Variants in COMMD10 observed in about 807,000 individuals in gnomAD.
COMMD10 encodes the protein COMM domain containing 10, also known as COMM domain-containing protein 10.
A neutral mutation model predicts 28.9 loss-of-function variants in COMMD10; 33 were observed. The observed-to-expected ratio is 1.14, with a 90% CI of 0.87 to 1.53. COMMD10 has a LOEUF of 1.53. COMMD10 is among the 40% of genes most tolerant of loss of function. The pLI, the probability that COMMD10 is intolerant of heterozygous loss-of-function variation, is 0.00. For synonymous variants in COMMD10, 110 were observed against 81.7 expected (o/e 1.35, Z -1.87); for missense variants, 310 against 233.4 (o/e 1.33, Z -2.14).
chr5:116,275,797 A>G (rs941845858), intron 5 of COMMD10, among the ~76,000 whole-genome samples: 1 of 151,822 alleles, frequency 6.6e-6, no homozygotes, highest in African/African-American at 2.4e-5. Flanking sequence ...ATCAGATCCT[A>G]AATCATAAGG....
intron 5 of COMMD10, among the ~76,000 whole-genome samples, chr5:116,186,798 G>A (rs1425981692): frequency 6.6e-6 from 1 of 152,070 alleles, no homozygotes; most frequent in Non-Finnish European, 1.5e-5. Context: ...GGCCTTATTG[G>A]AGTTTCTCTT....
intron 5 of COMMD10, among the ~76,000 whole-genome samples, chr5:116,159,750 G>C (rs185014379): frequency 2.0e-5 from 3 of 152,270 alleles, no homozygotes; most frequent in Non-Finnish European, 2.9e-5. Flanking sequence ...ACTCCACAGA[G>C]GAAAACATCT....
chr5:116,291,587 T>G lies in COMMD10; in HGVS notation c.570+11T>G, dbSNP rs772088934. 1 of 1,460,502 alleles carries G rather than the reference T, an allele frequency of 6.8e-7. No homozygotes were observed. The highest frequency in any genetic ancestry group is 9.4e-7 in the Non-Finnish European group (1 of 1,062,432). 90.5% of individuals were successfully genotyped at this position (1,460,502 alleles called of 1,614,324 possible). On this transcript the variant is annotated intron_variant, in intron 6 of 6. Coordinates refer to ENST00000274458, the MANE Select transcript of COMMD10 (RefSeq NM_016144.4). ...GATTTCTATAACAAGGTCTGTATTT[T>G]TAAAATAATTTTCTAATATGTGGAG...
chr5:116,225,354 A>ATT (rs3073081), intron 5 of COMMD10, among the ~76,000 whole-genome samples: 20,538 of 131,952 alleles, frequency 0.16, 2,209 homozygotes, highest in African/African-American at 0.27. Flanking sequence ...TTTTTTGGGG[A>ATT]TTTTTTTTTT....
At chr5:116,289,527 C>G (rs769510624) in intron 5 of COMMD10, among the ~76,000 whole-genome samples, 2 of 151,720 alleles carry the variant, frequency 1.3e-5, no homozygotes, top group Non-Finnish European at 2.9e-5. Flanking sequence ...TTTTCAGTGC[C>G]TTCCAAACGC....
At chr5:116,186,864 A>C (rs1272014409) in intron 5 of COMMD10, among the ~76,000 whole-genome samples, 1 of 152,188 alleles carries the variant, frequency 6.6e-6, no homozygotes, top group East Asian at 1.9e-4. Context: ...ATTCCACTAG[A>C]GTTATTAAGC....
chr5:116,272,811 G>C (rs1180452002), intron 5 of COMMD10, among the ~76,000 whole-genome samples: 4 of 151,766 alleles, frequency 2.6e-5, no homozygotes, highest in Non-Finnish European at 5.9e-5. Context: ...AATCGTGTAA[G>C]CTGAACCAAT....
intron 5 of COMMD10, among the ~76,000 whole-genome samples, chr5:116,281,131 T>C (rs1338532907): frequency 6.6e-6 from 1 of 151,840 alleles, no homozygotes; most frequent in African/African-American, 2.4e-5. Context: ...GTTTAATTCT[T>C]ACCTAGTTTA....
At chr5:116,203,035 C>A (rs940443425) in intron 5 of COMMD10, among the ~76,000 whole-genome samples, 1 of 151,774 alleles carries the variant, frequency 6.6e-6, no homozygotes, top group Non-Finnish European at 1.5e-5. Flanking sequence ...ACATTTAAGT[C>A]TTGAATCCAT....
intron 5 of COMMD10, among the ~76,000 whole-genome samples, chr5:116,163,781 T>A (rs1302093500): frequency 6.6e-6 from 1 of 152,216 alleles, no homozygotes; most frequent in South Asian, 2.1e-4. Context: ...TAGAATACTT[T>A]CTATGCTTTT....
chr5:116,133,431 A>G (rs11241366), intron 4 of COMMD10, among the ~76,000 whole-genome samples: 76,664 of 152,114 alleles, frequency 0.5, 21,929 homozygotes, highest in Non-Finnish European at 0.65. Context: ...AGTTTCTGTC[A>G]TAACTGGGAA....
At chr5:116,243,437 A>G (rs943217374) in intron 5 of COMMD10, among the ~76,000 whole-genome samples, 8 of 152,142 alleles carry the variant, frequency 5.3e-5, no homozygotes, top group Non-Finnish European at 1.2e-4. Context: ...TTCTGAAATA[A>G]TGACTTTGAG....
chr5:116,229,569 G>C (rs1438647791), intron 5 of COMMD10, among the ~76,000 whole-genome samples: 1 of 151,984 alleles, frequency 6.6e-6, no homozygotes, highest in Admixed American at 6.6e-5. Context: ...AACACTGTTA[G>C]CTGCTAAAGG....
intron 5 of COMMD10, among the ~76,000 whole-genome samples, chr5:116,281,288 A>T (rs1026024555): frequency 6.6e-6 from 1 of 151,672 alleles, no homozygotes; most frequent in African/African-American, 2.4e-5. Flanking sequence ...ATCAAGTCAG[A>T]CCTTTCTGAA....
chr5:116,112,722 C>T (rs1751093857), intron 4 of COMMD10, among the ~76,000 whole-genome samples: 1 of 152,010 alleles, frequency 6.6e-6, no homozygotes, highest in African/African-American at 2.4e-5. Flanking sequence ...ATTCATTTAG[C>T]CAACGTGTAT....
chr5:116,214,123 A>G (rs941533413), intron 5 of COMMD10, among the ~76,000 whole-genome samples: 14 of 152,152 alleles, frequency 9.2e-5, no homozygotes, highest in Non-Finnish European at 2.1e-4. Context: ...TTGAGAGGCA[A>G]ACTTTGTCTT....
intron 4 of COMMD10, among the ~76,000 whole-genome samples, chr5:116,104,817 C>G (rs1750785747): frequency 6.6e-6 from 1 of 152,154 alleles, no homozygotes; most frequent in South Asian, 2.1e-4. Context: ...GACGGGGTTT[C>G]ACTGTCTTAG....
chr5:116,170,191 A>G (rs897741727), intron 5 of COMMD10, among the ~76,000 whole-genome samples: 1 of 152,196 alleles, frequency 6.6e-6, no homozygotes, highest in African/African-American at 2.4e-5. Flanking sequence ...CTATACACCA[A>G]TAATAGACAA....
chr5:116,258,209 C>A lies in COMMD10; in HGVS notation c.511-33308C>A, dbSNP rs557167082. The stretch of plus-strand genomic sequence containing the variant: ...AATACATCCAAAACCTTTTCTCTTA[C>A]CGAATTTCAATACTCTTTTCTAACA... On this transcript the variant is annotated intron_variant, in intron 5 of 6. Transcript: ENST00000274458. Among the ~76,000 whole-genome samples, 15 of 151,736 alleles carry A rather than the reference C, an allele frequency of 9.9e-5. No homozygotes were observed. In the Middle Eastern group the frequency reaches 0.01, roughly 103 times the overall value.
Sources: gnomAD v4.1 joint callset for allele counts (sites outside exome capture counted in the v4.1 genomes callset) on GRCh38, gnomAD v4.1.1 for gene constraint, MANE v1.5 for transcripts, NCBI Gene and HGNC (gene_info 2026-07-23, HGNC 2026-07-21) for gene names.